Variants in PRKG1 observed in about 807,000 individuals in gnomAD.
The protein encoded by PRKG1 is cGMP-dependent protein kinase 1.
In PRKG1, 35 loss-of-function variants were observed where a neutral mutation model predicts 88.1. The observed-to-expected ratio is 0.40, with a 90% CI of 0.30 to 0.53. PRKG1 has a LOEUF of 0.53. Ranked by LOEUF, PRKG1 falls within the 20% of genes least tolerant of loss-of-function variation. The pLI, the probability that PRKG1 is intolerant of heterozygous loss-of-function variation, is 0.59. For missense variants in PRKG1, 540 were observed against 839.8 expected, an observed-to-expected ratio of 0.64 and a Z score of 4.41; for synonymous variants, 303 against 292.5, an observed-to-expected ratio of 1.04 and a Z score of -0.37.
intron 7 of PRKG1, among the ~76,000 whole-genome samples, chr10:52,127,891 T>C (rs1286823994): frequency 6.6e-6 from 1 of 152,182 alleles, no homozygotes; most frequent in African/African-American, 2.4e-5. Flanking sequence ...TGACCTGATA[T>C]GACTTTTCCT....
intron 1 of PRKG1, among the ~76,000 whole-genome samples, chr10:51,005,059 T>A (rs1382512955): frequency 6.6e-6 from 1 of 152,192 alleles, no homozygotes; most frequent in East Asian, 1.9e-4. Context: ...ATTTCATTAT[T>A]TTTTTCTTGG....
At chr10:51,051,802 A>G (rs151115938) in intron 1 of PRKG1, among the ~76,000 whole-genome samples, 1 of 152,110 alleles carries the variant, frequency 6.6e-6, no homozygotes. Flanking sequence ...ACATCACTTA[A>G]CTCACATTGC....
At chr10:51,975,364 C>A (rs1843805586) in intron 5 of PRKG1, among the ~76,000 whole-genome samples, 1 of 151,972 alleles carries the variant, frequency 6.6e-6, no homozygotes, top group South Asian at 2.1e-4. Flanking sequence ...TCCTTTCCTA[C>A]CTCACAAGCA....
chr10:52,020,031 A>T (rs1845142145), intron 5 of PRKG1, among the ~76,000 whole-genome samples: 1 of 152,000 alleles, frequency 6.6e-6, no homozygotes, highest in African/African-American at 2.4e-5. Context: ...ACTGAAATAT[A>T]TTTTAATATA....
At chr10:51,899,072 T>C (rs536215244) in intron 4 of PRKG1, among the ~76,000 whole-genome samples, 14 of 152,290 alleles carry the variant, frequency 9.2e-5, no homozygotes, top group African/African-American at 3.1e-4. Context: ...AAGAAGTTTC[T>C]GTAAAATGTA....
chr10:51,774,089 A>T (rs1311199436), intron 3 of PRKG1, among the ~76,000 whole-genome samples: 1 of 152,064 alleles, frequency 6.6e-6, no homozygotes, highest in Non-Finnish European at 1.5e-5. Context: ...GGAGAGGTGG[A>T]GTCTCTGTTT....
chr10:51,262,715 G>A (rs1166688229), intron 2 of PRKG1, among the ~76,000 whole-genome samples: 2 of 152,104 alleles, frequency 1.3e-5, no homozygotes, highest in Non-Finnish European at 2.9e-5. Context: ...TACGATCATG[G>A]CAGAAGGGGA....
chr10:52,162,234 G>T (rs1838295889), intron 9 of PRKG1, among the ~76,000 whole-genome samples: 1 of 152,034 alleles, frequency 6.6e-6, no homozygotes, highest in Non-Finnish European at 1.5e-5. Flanking sequence ...ACAATTAAAT[G>T]TAAACCTGTT....
chr10:51,856,681 C>T (rs922582571), intron 4 of PRKG1, among the ~76,000 whole-genome samples: 4 of 152,124 alleles, frequency 2.6e-5, no homozygotes, highest in Admixed American at 6.5e-5. Context: ...AAGGCTTAGA[C>T]ATGGCCAGGC....
intron 7 of PRKG1, among the ~76,000 whole-genome samples, chr10:52,069,644 G>T (rs1846446196): frequency 6.6e-6 from 1 of 152,094 alleles, no homozygotes; most frequent in African/African-American, 2.4e-5. Flanking sequence ...TTATATAGAA[G>T]TAAAATGTTA....
intron 3 of PRKG1, among the ~76,000 whole-genome samples, chr10:51,672,112 C>T (rs1444239562): frequency 1.3e-5 from 2 of 150,038 alleles, no homozygotes; most frequent in Admixed American, 6.7e-5. Context: ...TTATGTTGAT[C>T]TCATTTGAGA....
chr10:51,647,184 T>C (rs1839936339), intron 3 of PRKG1, among the ~76,000 whole-genome samples: 1 of 149,862 alleles, frequency 6.7e-6, no homozygotes, highest in African/African-American at 2.4e-5. Flanking sequence ...TGAAGCATAC[T>C]GAAATGAGAT....
intron 2 of PRKG1, among the ~76,000 whole-genome samples, chr10:51,304,843 A>G (rs1310781465): frequency 1.3e-5 from 2 of 151,968 alleles, no homozygotes; most frequent in Non-Finnish European, 2.9e-5. Flanking sequence ...ATAGTATTCC[A>G]TGGTGTATAT....
At chr10:51,784,091 T>G (rs1170545399) in intron 3 of PRKG1, among the ~76,000 whole-genome samples, 1 of 152,070 alleles carries the variant, frequency 6.6e-6, no homozygotes, top group Non-Finnish European at 1.5e-5. Context: ...CTTTGCTTGG[T>G]TGACTGATAT....
At chr10:51,610,866 G>A (rs1178333360) in intron 3 of PRKG1, among the ~76,000 whole-genome samples, 2 of 151,994 alleles carry the variant, frequency 1.3e-5, no homozygotes, top group African/African-American at 4.8e-5. Flanking sequence ...ACGGGGAGGG[G>A]AACAACACAC....
intron 3 of PRKG1, among the ~76,000 whole-genome samples, chr10:51,803,107 G>T (rs1038733166): frequency 2.0e-5 from 3 of 151,970 alleles, no homozygotes; most frequent in African/African-American, 7.2e-5. Context: ...CAAGTTCTTT[G>T]TGGCTATATC....
At chr10:52,027,188 A>G (rs1385079777) in intron 5 of PRKG1, among the ~76,000 whole-genome samples, 1 of 152,148 alleles carries the variant, frequency 6.6e-6, no homozygotes, top group Non-Finnish European at 1.5e-5. Context: ...GTCACTAGAT[A>G]ATCACTCAAG....
chr10:51,229,193 G>A (rs985220247), intron 2 of PRKG1, among the ~76,000 whole-genome samples: 1 of 152,060 alleles, frequency 6.6e-6, no homozygotes, highest in Non-Finnish European at 1.5e-5. Context: ...CTAAAATGTA[G>A]AAACCTGTCA....
chr10:51,163,785 G>A (rs1319697451), intron 2 of PRKG1, among the ~76,000 whole-genome samples: 4 of 152,162 alleles, frequency 2.6e-5, no homozygotes, highest in African/African-American at 7.2e-5. Context: ...ACGGAGTCTC[G>A]CTGATTGCTA....
Sources: allele counts gnomAD v4.1 joint callset (sites outside exome capture counted in the v4.1 genomes callset), GRCh38; gene constraint gnomAD v4.1.1; transcripts MANE v1.5; gene names NCBI Gene and HGNC (gene_info 2026-07-23, HGNC 2026-07-21).